The following PKHD1 variants were observed in gnomAD, a reference collection of about 807,000 sequenced individuals.
PKHD1 encodes PKHD1 ciliary IPT domain containing fibrocystin/polyductin.
PKHD1 carries 291 observed loss-of-function variants against 412.0 expected under a neutral mutation model. That is an observed-to-expected ratio of 0.71 (90% CI 0.64 to 0.78). The LOEUF (loss-of-function observed/expected upper bound fraction) is 0.78, where lower values mean the gene tolerates loss of function less well. Ranked by LOEUF, PKHD1 falls within the 30% of genes least tolerant of loss-of-function variation. The pLI is 0.00. For missense variants in PKHD1, 4,825 were observed against 4,950.7 expected (o/e 0.97, Z 0.76); for synonymous variants, 1,777 against 1,821.5 (o/e 0.98, Z 0.62).
chr6:52,002,530 A>G (rs1798560907), intron 35 of PKHD1, among the ~76,000 whole-genome samples: 1 of 152,226 alleles, frequency 6.6e-6, no homozygotes, highest in Admixed American at 6.5e-5. Flanking sequence ...TTCCTCCAGG[A>G]CAGCCAGGTC....
intron 52 of PKHD1, among the ~76,000 whole-genome samples, chr6:51,794,835 T>C (rs1311048141): frequency 2.0e-5 from 3 of 152,186 alleles, no homozygotes; most frequent in Admixed American, 6.5e-5. Context: ...GTTGTAGGTG[T>C]GCAGTCTTAT....
chr6:51,635,772 G>A (rs577828561), intron 64 of PKHD1, among the ~76,000 whole-genome samples: 10 of 149,538 alleles, frequency 6.7e-5, no homozygotes, highest in South Asian at 4.2e-4. Flanking sequence ...AGTTAGCCAC[G>A]TGACTTTCTG....
intron 60 of PKHD1, among the ~76,000 whole-genome samples, chr6:51,715,289 T>C (rs974512456): frequency 1.3e-5 from 2 of 151,982 alleles, no homozygotes; most frequent in Non-Finnish European, 2.9e-5. Flanking sequence ...ACAGAGCCAG[T>C]AACTGGGAAA....
intron 52 of PKHD1, among the ~76,000 whole-genome samples, chr6:51,816,793 C>T (rs1247497917): frequency 6.6e-6 from 1 of 152,238 alleles, no homozygotes; most frequent in Admixed American, 6.5e-5. Flanking sequence ...TGCCACATGG[C>T]TGCACGAGAG....
intron 8 of PKHD1, among the ~76,000 whole-genome samples, chr6:52,071,708 G>C (rs1896980): frequency 0.13 from 20,099 of 152,132 alleles, 1,510 homozygotes; most frequent in Middle Eastern, 0.24. Flanking sequence ...CAAATCCCAG[G>C]TCTGCCACTT....
chr6:51,930,259 C>A (rs908393607), intron 37 of PKHD1, among the ~76,000 whole-genome samples: 2 of 152,088 alleles, frequency 1.3e-5, no homozygotes, highest in Non-Finnish European at 2.9e-5. Flanking sequence ...ACCCTTTAGT[C>A]ATATTAACGC....
chr6:51,999,292 T>C (rs1798078039), intron 35 of PKHD1, among the ~76,000 whole-genome samples: 1 of 152,230 alleles, frequency 6.6e-6, no homozygotes, highest in African/African-American at 2.4e-5. Context: ...TTCCTCCCAA[T>C]GCTCCTGCCT....
Position 51,883,216 on chromosome 6 carries a change from A to G in PKHD1, c.7227T>C (p.Ser2409=). The change falls in exon 46 of 67, where the codon AGT becomes AGC. Residue 2409 remains serine (S), a synonymous_variant. Coordinates refer to ENST00000371117, the MANE Select transcript of PKHD1 (RefSeq NM_138694.4). ...ESAGGAQIFR[S]SNLRLKNFKV... ...TGAAGTTTTTCAGGCGAAGATTGCT[A>G]CTTCTAAAAATCTATAAAATACAGC... 6.2e-7 allele frequency: 1 copy of G among 1,613,392 alleles called. No homozygotes were observed. Among genetic ancestry groups the G allele is most frequent in the South Asian group, 1.1e-5 (1 of 91,062 alleles).
At chr6:51,649,960 T>C (rs1164469000) in intron 61 of PKHD1, among the ~76,000 whole-genome samples, 1 of 152,206 alleles carries the variant, frequency 6.6e-6, no homozygotes, top group Non-Finnish European at 1.5e-5. Flanking sequence ...AGTGTTCATA[T>C]ATAAATTCAT....
rs140661002 is a variant in PKHD1 at position 51,695,049 on chromosome 6, A to G, written c.10157-35080T>C. Among the ~76,000 whole-genome samples the G allele has an allele frequency of 2.6e-5, 4 of 152,298 alleles. No homozygotes were observed. In the East Asian group the frequency reaches 7.7e-4, roughly 29 times the overall value. ...AACAAAAATTGAAGAATAAAGGAAT[A>G]AGATTTAAGGTTTTAAGTCTATTAT... On this transcript the variant is annotated intron_variant, in intron 60 of 66. Transcript: ENST00000371117.
chr6:51,844,486 C>T (rs1228505194), intron 50 of PKHD1, among the ~76,000 whole-genome samples: 1 of 152,158 alleles, frequency 6.6e-6, no homozygotes, highest in Non-Finnish European at 1.5e-5. Context: ...CTGCCTAGCA[C>T]CCCCGCCATC....
chr6:51,698,953 C>T (rs1779105394), intron 60 of PKHD1, among the ~76,000 whole-genome samples: 1 of 152,116 alleles, frequency 6.6e-6, no homozygotes, highest in South Asian at 2.1e-4. Context: ...ACCTTTCCAC[C>T]TCTCAGATAA....
At position 51,753,238 on chromosome 6, in the gene PKHD1, C is replaced by A; in HGVS notation, c.8913G>T (p.Val2971=). 1.9e-6 allele frequency: 3 copies of A among 1,613,806 alleles called. No homozygotes were observed. The highest frequency in any genetic ancestry group is 2.5e-6 in the Non-Finnish European group (3 of 1,179,796). Residue 2971 remains valine (V), a synonymous_variant, in exon 57 of 67, where the codon GTG becomes GTT. Coordinates refer to ENST00000371117, the MANE Select transcript of PKHD1 (RefSeq NM_138694.4). ...PDVSCRGRLF[V]GSFRKSSREE... is the part of the protein sequence containing the mutation. ...CTCGGCTGGACTTCCTGAAGGACCCCACAAACAGTCTCCCCCTACATGATA... is the reference window on the plus strand; with the variant it reads ...CTCGGCTGGACTTCCTGAAGGACCCAACAAACAGTCTCCCCCTACATGATA...
intron 46 of PKHD1, among the ~76,000 whole-genome samples, chr6:51,880,870 G>A (rs980527198): frequency 2.0e-5 from 3 of 147,102 alleles, no homozygotes; most frequent in Admixed American, 1.4e-4. Flanking sequence ...GGAGGCTGAG[G>A]CAGGAGAATG....
intron 49 of PKHD1, among the ~76,000 whole-genome samples, chr6:51,854,598 T>G (rs1445405696): frequency 6.6e-6 from 1 of 152,094 alleles, no homozygotes; most frequent in Non-Finnish European, 1.5e-5. Flanking sequence ...CAGGGAGATA[T>G]GAATTCTGTC....
At position 52,056,886 on chromosome 6, in the gene PKHD1, C is replaced by T. The variant is rs374817290; in HGVS notation, c.1602+4G>A. ...CTCCCTCATTTTTTGAAGAAGTCTC[C>T]CACCAGATGGGCTGTGGCATTTGCA... is the stretch of plus-strand genomic sequence containing the variant. On this transcript the variant is annotated splice_donor_region_variant and intron_variant, in intron 17 of 66. Coordinates refer to ENST00000371117, the MANE Select transcript of PKHD1 (RefSeq NM_138694.4). 12 of 1,610,996 alleles carry T rather than the reference C, an allele frequency of 7.4e-6. No individual in the cohort carries two copies. In the African/African-American group the frequency reaches 1.6e-4, roughly 22 times the overall value.
intron 60 of PKHD1, among the ~76,000 whole-genome samples, chr6:51,676,188 G>A (rs1464459586): frequency 8.5e-5 from 12 of 141,196 alleles, no homozygotes; most frequent in Admixed American, 1.5e-4. Context: ...CTCATTTCAC[G>A]TTTGAAAAGA....
intron 35 of PKHD1, among the ~76,000 whole-genome samples, chr6:51,976,596 T>C (rs115725306): frequency 0.011 from 1,636 of 152,300 alleles, 30 homozygotes; most frequent in African/African-American, 0.037. Context: ...ATGTACTAAA[T>C]GTACACTTAA....
intron 37 of PKHD1, among the ~76,000 whole-genome samples, chr6:51,921,359 A>G (rs1784674109): frequency 6.6e-6 from 1 of 151,952 alleles, no homozygotes; most frequent in Admixed American, 6.6e-5. Context: ...TGCCCTTAAC[A>G]TTTTTTCCTT....
Sources: allele counts gnomAD v4.1 joint callset (sites outside exome capture counted in the v4.1 genomes callset), GRCh38; gene constraint gnomAD v4.1.1; transcripts MANE v1.5; gene names NCBI Gene and HGNC (gene_info 2026-07-23, HGNC 2026-07-21).